CCSER1: variants seen among roughly 807,000 people sequenced by gnomAD.
CCSER1 encodes coiled-coil serine rich protein 1.
CCSER1 carries 41 observed loss-of-function variants against 82.0 expected under a neutral mutation model. That is an observed-to-expected ratio of 0.50 (90% CI 0.39 to 0.65). The LOEUF (loss-of-function observed/expected upper bound fraction) is 0.65. Ranked by LOEUF, CCSER1 falls within the 30% of genes least tolerant of loss-of-function variation. The pLI is 0.00. For missense variants in CCSER1, 1,119 were observed against 1,064.2 expected, an observed-to-expected ratio of 1.05 and a Z score of -0.72; for synonymous variants, 414 against 383.9, an observed-to-expected ratio of 1.08 and a Z score of -0.92.
intron 1 of CCSER1, among the ~76,000 whole-genome samples, chr4:90,248,322 T>C (rs1721805734): frequency 6.6e-6 from 1 of 152,200 alleles, no homozygotes; most frequent in African/African-American, 2.4e-5. Context: ...GATGAAAAGC[T>C]GGACATAAAA....
chr4:91,043,739 T>G (rs1189681314), intron 9 of CCSER1, among the ~76,000 whole-genome samples: 1 of 152,032 alleles, frequency 6.6e-6, no homozygotes, highest in Non-Finnish European at 1.5e-5. Context: ...CACAGGCATG[T>G]GCCACCATGC....
At chr4:90,562,018 G>GTC in intron 5 of CCSER1, among the ~76,000 whole-genome samples, 1 of 151,784 alleles carries the variant, frequency 6.6e-6, no homozygotes, top group East Asian at 1.9e-4. Flanking sequence ...GTGAAACCCC[G>GTC]TCTCTACTAA....
intron 10 of CCSER1, among the ~76,000 whole-genome samples, chr4:91,182,838 G>T (rs1734168316): frequency 6.6e-6 from 1 of 152,198 alleles, no homozygotes; most frequent in Non-Finnish European, 1.5e-5. Flanking sequence ...ATTTGCCAAA[G>T]TGTGTTAGGT....
chr4:90,221,899 T>C (rs1313122340), intron 1 of CCSER1, among the ~76,000 whole-genome samples: 6 of 152,192 alleles, frequency 3.9e-5, no homozygotes, highest in African/African-American at 1.4e-4. Context: ...TTACCACTAA[T>C]TGAATAAAAC....
At chr4:90,191,384 C>A (rs182556897) in intron 1 of CCSER1, among the ~76,000 whole-genome samples, 1 of 151,884 alleles carries the variant, frequency 6.6e-6, no homozygotes, top group Admixed American at 6.6e-5. Context: ...GTTTTTTGCC[C>A]CCCAGTTCCT....
chr4:91,420,325 C>T (rs1753618126), intron 10 of CCSER1, among the ~76,000 whole-genome samples: 1 of 151,976 alleles, frequency 6.6e-6, no homozygotes, highest in Non-Finnish European at 1.5e-5. Context: ...GTAAGGAACT[C>T]ATCTAACTCA....
At chr4:90,932,976 A>AAGAAAGAG (rs1730206632) in intron 9 of CCSER1, among the ~76,000 whole-genome samples, 1 of 38,690 alleles carries the variant, frequency 2.6e-5, no homozygotes, top group Admixed American at 2.5e-4. Context: ...GAAAGAAAGA[A>AAGAAAGAG]AGAAAGAGAA....
At chr4:91,071,864 C>G (rs1396067784) in intron 9 of CCSER1, among the ~76,000 whole-genome samples, 2 of 152,104 alleles carry the variant, frequency 1.3e-5, no homozygotes, top group Admixed American at 1.3e-4. Flanking sequence ...AATCAACATG[C>G]CTTTCACTGA....
At chr4:91,540,466 A>G (rs1761529110) in intron 10 of CCSER1, among the ~76,000 whole-genome samples, 1 of 152,044 alleles carries the variant, frequency 6.6e-6, no homozygotes, top group African/African-American at 2.4e-5. Flanking sequence ...ACAGCCCTTT[A>G]TCAGATGCGT....
rs796867787 is a variant in CCSER1, at chr4:90,829,125, G to C, written c.2094+13280G>C. 6.0e-4 allele frequency among the ~76,000 whole-genome samples: 91 copies of C among 152,156 alleles called. No homozygotes were observed. In the East Asian group the frequency reaches 6.2e-3, roughly 10 times the overall value. On this transcript the variant is annotated intron_variant, in intron 8 of 10. Transcript: ENST00000509176. ...GAGAAATTATAGAAGTAAAAAGATA[G>C]GGTAAAGTTAAAATTGATTCTAATC...
At chr4:91,260,292 A>G (rs1009602983) in intron 10 of CCSER1, among the ~76,000 whole-genome samples, 3 of 152,138 alleles carry the variant, frequency 2.0e-5, no homozygotes, top group Admixed American at 6.5e-5. Context: ...CCCATACACC[A>G]CTTCCCCAAT....
At chr4:90,802,769 A>G in intron 7 of CCSER1, among the ~76,000 whole-genome samples, 1 of 152,162 alleles carries the variant, frequency 6.6e-6, no homozygotes, top group Non-Finnish European at 1.5e-5. Context: ...CTACTTTGAA[A>G]CTAAGTCAAC....
At chr4:90,710,925 T>C (rs1740483560) in intron 6 of CCSER1, among the ~76,000 whole-genome samples, 1 of 152,136 alleles carries the variant, frequency 6.6e-6, no homozygotes. Flanking sequence ...TTGGGAAGTA[T>C]GGTCATTCAG....
chr4:90,969,735 A>G (rs1599453), intron 9 of CCSER1, among the ~76,000 whole-genome samples: 41,742 of 151,810 alleles, frequency 0.27, 6,948 homozygotes, highest in East Asian at 0.39. Flanking sequence ...ATATGAAAGC[A>G]TAAAACTCAC....
chr4:90,326,055 CTTTTTTTTTTT>C (rs371592827), intron 3 of CCSER1, among the ~76,000 whole-genome samples: 1 of 111,590 alleles, frequency 9.0e-6, no homozygotes, highest in African/African-American at 3.2e-5. Flanking sequence ...TATGTGATAC[CTTTTTTTTTTT>C]TTTTTTTTTT....
intron 1 of CCSER1, among the ~76,000 whole-genome samples, chr4:90,225,070 C>CT (rs1742887118): frequency 6.7e-6 from 1 of 148,550 alleles, no homozygotes; most frequent in African/African-American, 2.5e-5. Flanking sequence ...TTTTTTTTTT[C>CT]TTTTTTATTT....
At chr4:90,802,258 T>C (rs1756936446) in intron 7 of CCSER1, among the ~76,000 whole-genome samples, 1 of 147,664 alleles carries the variant, frequency 6.8e-6, no homozygotes, top group Non-Finnish European at 1.5e-5. Flanking sequence ...AATATAAATA[T>C]ATATAATATA....
intron 10 of CCSER1, among the ~76,000 whole-genome samples, chr4:91,459,852 A>G (rs1346174097): frequency 6.6e-6 from 1 of 152,144 alleles, no homozygotes; most frequent in Non-Finnish European, 1.5e-5. Flanking sequence ...TCACTTGCTT[A>G]CTAGATTATT....
chr4:90,391,017 A>G (rs1256170339), intron 3 of CCSER1, among the ~76,000 whole-genome samples: 1 of 150,024 alleles, frequency 6.7e-6, no homozygotes, highest in African/African-American at 2.5e-5. Context: ...TAATCCCAGC[A>G]CTTTGAGAGG....
Sources: allele counts gnomAD v4.1 joint callset (sites outside exome capture counted in the v4.1 genomes callset), GRCh38; gene constraint gnomAD v4.1.1; transcripts MANE v1.5; gene names NCBI Gene and HGNC (gene_info 2026-07-23, HGNC 2026-07-21).